SEC16B: variants seen among roughly 807,000 people sequenced by gnomAD.
The protein encoded by SEC16B is protein transport protein Sec16B.
Under a neutral mutation model 141.8 loss-of-function variants are expected in SEC16B, and 115 were observed. That is an observed-to-expected ratio of 0.81 (90% CI 0.70 to 0.95). The LOEUF is 0.95. Ranked by LOEUF, SEC16B falls within the 40% of genes least tolerant of loss-of-function variation. SEC16B has a pLI of 0.00. For missense variants in SEC16B, 1,291 were observed against 1,312.3 expected (o/e 0.98, Z 0.25); for synonymous variants, 493 against 492.5 (o/e 1.00, Z -0.01).
At chr1:177,948,641 CT>C (rs1651927660) in intron 12 of SEC16B, 2 of 1,290,836 alleles carry the variant, frequency 1.5e-6, no homozygotes, top group East Asian at 1.1e-4. Context: ...GGCTGTCCTA[CT>C]AAATAAAGGA....
intron 4 of SEC16B, 134 bp from the exon 5 acceptor site, chr1:177,964,413 A>T: frequency 1.7e-6 from 1 of 572,326 alleles, no homozygotes; most frequent in Non-Finnish European, 3.1e-6. Context: ...AGGAGAAAGC[A>T]TTTTCCTCCT....
intron 16 of SEC16B, 126 bp from the exon 17 acceptor site, chr1:177,940,840 CT>C (rs1284435237): frequency 1.8e-6 from 1 of 566,400 alleles, no homozygotes; most frequent in African/African-American, 1.9e-5. Context: ...CCTTAACTAA[CT>C]TGTAAATTAC....
chr1:177,964,903 G>T, intron 4 of SEC16B, 144 bp downstream of exon 4: 1 of 971,616 alleles, frequency 1.0e-6, no homozygotes, highest in Non-Finnish European at 1.5e-6. Context: ...GGCCCATCCT[G>T]GGATATTCCC....
intron 5 of SEC16B, among the ~76,000 whole-genome samples, chr1:177,963,321 C>G (rs1198416866): frequency 6.6e-6 from 1 of 151,622 alleles, no homozygotes; most frequent in Non-Finnish European, 1.5e-5. Flanking sequence ...AACCCCATCT[C>G]TGGCCGAGCG....
chr1:177,967,489 A>G (rs1469087090), intron 2 of SEC16B, among the ~76,000 whole-genome samples, 194 bp downstream of exon 2: 1 of 152,206 alleles, frequency 6.6e-6, no homozygotes, highest in African/African-American at 2.4e-5. Flanking sequence ...GGGGAAAAAC[A>G]GGAGAGAAAT....
chr1:177,945,600 T>A (rs1651634135), intron 14 of SEC16B: 1 of 152,242 alleles, frequency 6.6e-6, no homozygotes. Context: ...CGAATCCAAC[T>A]CACCCACACC....
intron 1 of SEC16B, among the ~76,000 whole-genome samples, chr1:177,978,036 G>A (rs1231266087): frequency 6.6e-6 from 1 of 152,158 alleles, no homozygotes; most frequent in Non-Finnish European, 1.5e-5. Context: ...CTTATATTCT[G>A]TTAAAGGTGT....
chr1:177,952,596 C>T (rs954351383), intron 11 of SEC16B, among the ~76,000 whole-genome samples: 1 of 152,152 alleles, frequency 6.6e-6, no homozygotes, highest in African/African-American at 2.4e-5. Flanking sequence ...ATAAGCTCTA[C>T]GGCTGATTTG....
chr1:177,964,521 G>A (rs1295566985), intron 4 of SEC16B, among the ~76,000 whole-genome samples: 2 of 152,280 alleles, frequency 1.3e-5, no homozygotes, highest in African/African-American at 4.8e-5. Context: ...GAGAAGGGTT[G>A]GTCTCTACAG....
rs199614231 is a variant in SEC16B at position 177,964,127 on chromosome 1, G to A, written c.642+44C>T. 69 of 1,415,644 alleles carry A rather than the reference G, an allele frequency of 4.9e-5. No individual in the cohort carries two copies. In the African/African-American group the frequency reaches 7.3e-4, roughly 15 times the overall value. The allele number at this position is 1,415,644 out of a possible 1,614,324, so 87.7% of individuals were successfully genotyped here. ...TGCCACTGCTGACAGTGTCAGCTGC[G>A]ACACATGGCCACAGTCTCCAGCCCC... On this transcript the variant is annotated intron_variant, in intron 5 of 25. Transcript: ENST00000308284.
rs372847289 is a variant in SEC16B at position 177,934,571 on chromosome 1, T to C, written c.2572-935A>G. 3.1e-3 allele frequency among the ~76,000 whole-genome samples: 479 copies of C among 152,326 alleles called. 4 individuals are homozygous for C. The highest frequency in any genetic ancestry group is 0.011 in the African/African-American group (448 of 41,566). On this transcript the variant is annotated intron_variant, in intron 20 of 25. Coordinates refer to ENST00000308284, the MANE Select transcript of SEC16B (RefSeq NM_033127.4). ...GCTTTATATGTAGTGATTCATTTAA[T>C]CCTTACAATAGTCCTGTGAGCTAGG... is the stretch of plus-strand genomic sequence containing the variant.
At chr1:177,947,067 G>A (rs1041927696) in intron 13 of SEC16B, among the ~76,000 whole-genome samples, 1 of 152,156 alleles carries the variant, frequency 6.6e-6, no homozygotes, top group Non-Finnish European at 1.5e-5. Flanking sequence ...CCCCCAAGAA[G>A]GGCTCAACAA....
rs748732312 is a variant in SEC16B, at chr1:177,947,860, T to C, written c.1628A>G (p.Tyr543Cys). The C allele has an allele frequency of 1.9e-6, 3 of 1,558,650 alleles. No homozygotes were observed. Among genetic ancestry groups the C allele is most frequent in the South Asian group, 1.2e-5 (1 of 84,282 alleles). The change falls in exon 13 of 26, where the codon TAT becomes TGT. Residue 543 changes from tyrosine (Y) to cysteine (C), a missense_variant. Coordinates refer to ENST00000308284, the MANE Select transcript of SEC16B (RefSeq NM_033127.4). ...LSNQAGDPEL[Y>C]QRAIVAIGDT... ...CCCAATGGCAACAATCGCACGCTGATACAGCTCTGGGTCCCCAGCCTGATT... is the reference window on the plus strand; with the variant it reads ...CCCAATGGCAACAATCGCACGCTGACACAGCTCTGGGTCCCCAGCCTGATT...
At chr1:177,948,338 GCCACAGC>G in intron 12 of SEC16B, 1 of 1,304,358 alleles carries the variant, frequency 7.7e-7, no homozygotes, top group African/African-American at 1.5e-5. Context: ...AGTAGAAGAG[GCCACAGC>G]CTGTCACAGA....
At chr1:177,977,290 C>G (rs1285599695) in intron 1 of SEC16B, among the ~76,000 whole-genome samples, 1 of 152,180 alleles carries the variant, frequency 6.6e-6, no homozygotes, top group Non-Finnish European at 1.5e-5. Context: ...AACCAATGAG[C>G]TGGAAAGGAT....
chr1:177,944,058 AC>A (rs1247716564), intron 15 of SEC16B, among the ~76,000 whole-genome samples: 2 of 152,182 alleles, frequency 1.3e-5, no homozygotes, highest in African/African-American at 2.4e-5. Context: ...TATGGACACC[AC>A]CCACACAGCT....
At chr1:177,931,223 C>T (rs1003752186) in intron 24 of SEC16B, among the ~76,000 whole-genome samples, 3 of 152,158 alleles carry the variant, frequency 2.0e-5, no homozygotes, top group South Asian at 4.1e-4. Flanking sequence ...TATACGTATA[C>T]GATGGAATAC....
rs544900741 is a variant in SEC16B at position 177,943,879 on chromosome 1, T to A, written c.1881+682A>T. On this transcript the variant is annotated intron_variant, in intron 15 of 25. Transcript: ENST00000308284. ...CCACTGAAGGCTGCCATCTCAGTCA[T>A]ACTCGTAGGTGTGGCCCAGGTAGTC... Among the ~76,000 whole-genome samples the A allele has an allele frequency of 1.5e-4, 23 of 152,344 alleles. No homozygotes were observed. In the South Asian group the frequency reaches 4.6e-3, roughly 30 times the overall value.
chr1:177,931,821 C>T (rs1650434653), intron 24 of SEC16B, among the ~76,000 whole-genome samples: 1 of 152,244 alleles, frequency 6.6e-6, no homozygotes, highest in East Asian at 1.9e-4. Context: ...AAATGTTTTC[C>T]TAGCAATAGA....
Sources: gnomAD v4.1 joint callset for allele counts (sites outside exome capture counted in the v4.1 genomes callset) on GRCh38, gnomAD v4.1.1 for gene constraint, MANE v1.5 for transcripts, NCBI Gene and HGNC (gene_info 2026-07-23, HGNC 2026-07-21) for gene names.